BCKDHB: variants seen among roughly 807,000 people sequenced by gnomAD.
BCKDHB encodes the protein 2-oxoisovalerate dehydrogenase subunit beta, mitochondrial.
BCKDHB carries 41 observed loss-of-function variants against 48.5 expected under a neutral mutation model. The ratio of observed to expected loss-of-function variants is 0.85; its 90% CI spans 0.66 to 1.10. BCKDHB has a LOEUF of 1.10. Ranked by LOEUF, BCKDHB falls within the 50% of genes least tolerant of loss-of-function variation. The pLI, the probability that BCKDHB is intolerant of heterozygous loss-of-function variation, is 0.00. For synonymous variants in BCKDHB, 201 were observed against 174.8 expected (o/e 1.15, Z -1.18); for missense variants, 496 against 494.2 (o/e 1.00, Z -0.03).
intron 9 of BCKDHB, among the ~76,000 whole-genome samples, chr6:80,340,536 A>G (rs557382571): frequency 4.6e-5 from 7 of 152,346 alleles, no homozygotes; most frequent in South Asian, 4.1e-4. Flanking sequence ...AAGTCTCTCA[A>G]CAGCCCTGTA....
intron 8 of BCKDHB, among the ~76,000 whole-genome samples, chr6:80,271,328 T>A (rs1562192394): frequency 6.6e-6 from 1 of 152,178 alleles, no homozygotes; most frequent in Non-Finnish European, 1.5e-5. Context: ...TAGTCATTCC[T>A]CTGCTGAGGA....
At chr6:80,168,742 G>A (rs1772717987) in intron 4 of BCKDHB, 133 bp from the exon 5 acceptor site, 1 of 984,712 alleles carries the variant, frequency 1.0e-6, no homozygotes, top group East Asian at 2.6e-5. Context: ...GGGGGAGGGA[G>A]GCAGGGAGGG....
intron 3 of BCKDHB, among the ~76,000 whole-genome samples, chr6:80,162,549 T>C (rs1422709411): frequency 2.0e-5 from 3 of 152,210 alleles, no homozygotes; most frequent in Admixed American, 1.3e-4. Flanking sequence ...TGTTATTTTT[T>C]CCATCTTAAA....
chr6:80,431,206 C>A, the BCKDHB span, among the ~76,000 whole-genome samples: 3,801 of 152,162 alleles, frequency 0.025, 154 homozygotes, highest in African/African-American at 0.087. Context: ...TATTTCAGTT[C>A]TTTTGCATTT....
At chr6:80,412,731 CT>C in the BCKDHB span, among the ~76,000 whole-genome samples, 1 of 152,120 alleles carries the variant, frequency 6.6e-6, no homozygotes, top group African/African-American at 2.4e-5. Context: ...ACTCCTTCAG[CT>C]TTTGTCTGGC....
At chr6:80,284,443 G>C (rs886989574) in intron 9 of BCKDHB, among the ~76,000 whole-genome samples, 8 of 150,920 alleles carry the variant, frequency 5.3e-5, no homozygotes, top group African/African-American at 1.9e-4. Context: ...CATTTGATTG[G>C]AAAATGTTGG....
At chr6:80,376,168 G>A in the BCKDHB span, among the ~76,000 whole-genome samples, 3 of 152,054 alleles carry the variant, frequency 2.0e-5, no homozygotes, top group South Asian at 2.1e-4. Flanking sequence ...GACTCTCTGG[G>A]TGGGGCTTGC....
intron 3 of BCKDHB, among the ~76,000 whole-genome samples, chr6:80,156,124 G>T (rs1772035872): frequency 6.6e-6 from 1 of 151,914 alleles, no homozygotes; most frequent in Non-Finnish European, 1.5e-5. Context: ...CTGTGTCCAT[G>T]AATGTATTCT....
intron 6 of BCKDHB, among the ~76,000 whole-genome samples, chr6:80,175,815 C>T (rs76575605): frequency 6.6e-6 from 1 of 152,310 alleles, no homozygotes; most frequent in East Asian, 1.9e-4. Flanking sequence ...ATATTCTAAG[C>T]ATCTGACCAT....
At chr6:80,368,955 G>A in the BCKDHB span, among the ~76,000 whole-genome samples, 2 of 151,454 alleles carry the variant, frequency 1.3e-5, no homozygotes, top group African/African-American at 4.9e-5. Flanking sequence ...AGAGGTTGCA[G>A]TGAGCCAAGA....
intron 9 of BCKDHB, among the ~76,000 whole-genome samples, chr6:80,296,600 T>G (rs1246899891): frequency 6.6e-6 from 1 of 152,224 alleles, no homozygotes; most frequent in East Asian, 1.9e-4. Context: ...CTGTTTAACC[T>G]TAATTAATTT....
intron 6 of BCKDHB, among the ~76,000 whole-genome samples, chr6:80,192,743 A>T (rs1291901822): frequency 6.6e-6 from 1 of 152,174 alleles, no homozygotes; most frequent in Non-Finnish European, 1.5e-5. Flanking sequence ...GGGAAATGTA[A>T]TGAAGTTAAT....
At chr6:80,224,901 G>T in intron 8 of BCKDHB, among the ~76,000 whole-genome samples, 1 of 152,188 alleles carries the variant, frequency 6.6e-6, no homozygotes, top group East Asian at 1.9e-4. Flanking sequence ...ACAGATGGTT[G>T]CTGAGCACCC....
intron 8 of BCKDHB, among the ~76,000 whole-genome samples, chr6:80,207,004 T>C (rs965140872): frequency 1.3e-5 from 2 of 151,988 alleles, no homozygotes; most frequent in African/African-American, 2.4e-5. Flanking sequence ...CTTTTAAAAA[T>C]TAAGATGAAA....
chr6:80,106,776 G>A lies in BCKDHB; in HGVS notation c.83G>A (p.Gly28Asp), dbSNP rs768452867. 2.5e-6 allele frequency: 4 copies of A among 1,591,008 alleles called. No individual in the cohort carries two copies. In the South Asian group the frequency reaches 4.5e-5, roughly 18 times the overall value. The change falls in exon 1 of 10, where the codon GGC becomes GAC. Residue 28 changes from glycine (G) to aspartate (D), a missense_variant. Transcript: ENST00000320393. ...GAGGGGCACTGGCGTCGGCTTCCTG[G>A]CGCGGGGCTGGCGCGGGGCTTTTTG... is the stretch of plus-strand genomic sequence containing the variant. Reference protein sequence around the residue: ...GAEGHWRRLPGAGLARGFLHP... With the variant: ...GAEGHWRRLPDAGLARGFLHP...
the BCKDHB span, among the ~76,000 whole-genome samples, chr6:80,389,984 G>A: frequency 6.6e-6 from 1 of 152,238 alleles, no homozygotes; most frequent in East Asian, 1.9e-4. Flanking sequence ...GTTCCAGAGG[G>A]AGGAATGCTA....
At chr6:80,255,994 T>C (rs1304257232) in intron 8 of BCKDHB, among the ~76,000 whole-genome samples, 1 of 152,168 alleles carries the variant, frequency 6.6e-6, no homozygotes, top group Non-Finnish European at 1.5e-5. Flanking sequence ...TATTTACCTT[T>C]GGTTATTTCC....
the BCKDHB span, among the ~76,000 whole-genome samples, chr6:80,389,334 G>T: frequency 2.6e-5 from 4 of 152,192 alleles, no homozygotes; most frequent in African/African-American, 9.7e-5. Flanking sequence ...ACTGCTGAGT[G>T]CCCAATTTGC....
chr6:80,170,708 T>C (rs768290116), intron 5 of BCKDHB, among the ~76,000 whole-genome samples: 1 of 152,192 alleles, frequency 6.6e-6, no homozygotes, highest in Non-Finnish European at 1.5e-5. Context: ...CCTGGAGCCC[T>C]TTCCTGTGAG....
Sources: gnomAD v4.1 joint callset for allele counts (sites outside exome capture counted in the v4.1 genomes callset) on GRCh38, gnomAD v4.1.1 for gene constraint, MANE v1.5 for transcripts, NCBI Gene and HGNC (gene_info 2026-07-23, HGNC 2026-07-21) for gene names.